Variants in PRKG2 observed in about 807,000 individuals in gnomAD.
PRKG2 encodes cGMP-dependent protein kinase 2.
Under a neutral mutation model 97.2 loss-of-function variants are expected in PRKG2, and 33 were observed. The ratio of observed to expected loss-of-function variants is 0.34; its 90% CI spans 0.26 to 0.45. The LOEUF is 0.45. Ranked by LOEUF, PRKG2 falls within the 20% of genes least tolerant of loss-of-function variation. The pLI is 1.00. For synonymous variants in PRKG2, 330 were observed against 321.8 expected, an observed-to-expected ratio of 1.03 and a Z score of -0.27; for missense variants, 638 against 900.0, an observed-to-expected ratio of 0.71 and a Z score of 3.73.
chr4:81,138,406 G>T (rs560450834), intron 12 of PRKG2, among the ~76,000 whole-genome samples: 2 of 152,254 alleles, frequency 1.3e-5, no homozygotes, highest in East Asian at 3.9e-4. Flanking sequence ...AGGTAAAGTG[G>T]TTCAAAGGGT....
intron 2 of PRKG2, among the ~76,000 whole-genome samples, chr4:81,190,811 G>T (rs945216155): frequency 3.9e-5 from 6 of 152,164 alleles, no homozygotes; most frequent in African/African-American, 1.4e-4. Context: ...AGACATTTAT[G>T]CAGCCAACAG....
At chr4:81,119,038 C>T (rs554122402) in intron 14 of PRKG2, among the ~76,000 whole-genome samples, 2 of 152,284 alleles carry the variant, frequency 1.3e-5, no homozygotes, top group South Asian at 4.1e-4. Flanking sequence ...CTCAAGTGAT[C>T]CACCTAACTT....
At chr4:81,216,583 G>A (rs978784212), upstream of PRKG2, among the ~76,000 whole-genome samples, 4 of 152,000 alleles carry the variant, frequency 2.6e-5, no homozygotes, top group African/African-American at 9.7e-5. Flanking sequence ...CGCATTACAC[G>A]GACATAACAC....
At chr4:81,178,860 C>G (rs1751155955) in intron 2 of PRKG2, among the ~76,000 whole-genome samples, 1 of 151,944 alleles carries the variant, frequency 6.6e-6, no homozygotes, top group South Asian at 2.1e-4. Context: ...AGTGCAGTGC[C>G]TCACGCCTGT....
At chr4:81,114,606 T>C (rs902511909) in intron 14 of PRKG2, among the ~76,000 whole-genome samples, 1 of 152,198 alleles carries the variant, frequency 6.6e-6, no homozygotes, top group Non-Finnish European at 1.5e-5. Context: ...TGGTGATTAT[T>C]TTTAATTTTC....
chr4:81,189,063 T>TAAAAAAA (rs1401411435), intron 2 of PRKG2, among the ~76,000 whole-genome samples: 3 of 6,414 alleles, frequency 4.7e-4, no homozygotes, highest in Non-Finnish European at 8.2e-4. Context: ...TTAAAAAAAA[T>TAAAAAAA]AATAAAAAAA....
At chr4:81,105,792 G>T (rs1307563328) in intron 16 of PRKG2, 21 bp downstream of exon 16, 3 of 1,613,108 alleles carry the variant, frequency 1.9e-6, no homozygotes, top group Non-Finnish European at 2.5e-6. Context: ...AAGACAAGGG[G>T]TTACTGACTG....
chr4:81,207,431 T>G (rs990339704), intron 1 of PRKG2, among the ~76,000 whole-genome samples: 1 of 152,210 alleles, frequency 6.6e-6, no homozygotes, highest in South Asian at 2.1e-4. Flanking sequence ...TTTTTGTTCA[T>G]GGAAAAATTG....
chr4:81,092,502 AAGGAAG>A, intron 17 of PRKG2, 50 bp from the exon 18 acceptor site: 1 of 1,070,400 alleles, frequency 9.3e-7, no homozygotes, highest in South Asian at 1.4e-5. Flanking sequence ...GGAAGGAAGG[AAGGAAG>A]GAAGGGAGAA....
rs763463028 is a variant in PRKG2, at chr4:81,174,843, C to A, written c.578G>T (p.Ser193Ile). Residue 193 changes from serine to isoleucine, a missense_variant, in exon 3 of 19, where the codon AGT (serine) becomes ATT (isoleucine). Ser to Ile is a moderately radical substitution (Grantham distance 142, BLOSUM62 -2). Transcript: ENST00000264399. ...CMYGRNYQQGSYIIKQGEPGN... is the reference protein window; with the variant it reads ...CMYGRNYQQGIYIIKQGEPGN... ...TGGTTCTCCTTGCTTAATAATGTAA[C>A]TCCCTTGCTGATAGTTTCTCCCATA... 10 of 1,613,308 alleles carry A rather than the reference C, an allele frequency of 6.2e-6. No individual in the cohort carries two copies. The South Asian group carries it at 9.9e-5, about 16-fold the overall frequency.
intron 5 of PRKG2, among the ~76,000 whole-genome samples, chr4:81,169,007 T>A (rs1352512651): frequency 6.6e-6 from 1 of 152,004 alleles, no homozygotes; most frequent in Non-Finnish European, 1.5e-5. Flanking sequence ...TTTAAATAAA[T>A]AACTTATACT....
chr4:81,108,749 T>G (rs897354655), intron 15 of PRKG2, among the ~76,000 whole-genome samples: 1 of 152,018 alleles, frequency 6.6e-6, no homozygotes, highest in African/African-American at 2.4e-5. Flanking sequence ...TTTTAAAAAT[T>G]AGCTGGGCAT....
Position 81,135,255 on chromosome 4 carries a change from C to T in PRKG2, c.1676G>A (p.Cys559Tyr). The change falls in exon 14 of 19, where the codon TGT (cysteine) becomes TAT (tyrosine). Residue 559 changes from cysteine to tyrosine, a missense_variant. By Grantham distance (194) the Cys-to-Tyr change is radical. This residue lies in a region of PRKG2 where 304 missense variants were observed against 460.5 expected (regional missense o/e 0.66). Transcript: ENST00000264399. ...DEPTSKFCVA[C>Y]VTEAFDYLHR... ...CAGGTAATCAAATGCTTCTGTCACA[C>T]AAGCAACGCAGAATTTGGAGGTGGG... The T allele has an allele frequency of 6.2e-7, 1 of 1,613,138 alleles. No homozygotes were observed. Among genetic ancestry groups the T allele is most frequent in the Non-Finnish European group, 8.5e-7 (1 of 1,179,418 alleles).
intron 15 of PRKG2, among the ~76,000 whole-genome samples, chr4:81,106,627 T>C (rs1172577104): frequency 3.3e-5 from 5 of 152,170 alleles, no homozygotes; most frequent in African/African-American, 4.8e-5. Context: ...CATAGTAATG[T>C]TGAAAGTAGT....
intron 1 of PRKG2, 101 bp from the exon 2 acceptor site, chr4:81,205,161 G>A (rs1753578912): frequency 1.4e-6 from 1 of 712,224 alleles, no homozygotes; most frequent in African/African-American, 1.8e-5. Context: ...TAGGAACACA[G>A]TAATCTTCAT....
intron 1 of PRKG2, among the ~76,000 whole-genome samples, chr4:81,209,160 A>C (rs1480998271): frequency 2.0e-5 from 3 of 152,222 alleles, no homozygotes; most frequent in Non-Finnish European, 4.4e-5. Flanking sequence ...CTGTCCACCA[A>C]GGGTAATTAG....
intron 15 of PRKG2, 145 bp downstream of exon 15, chr4:81,110,303 A>G: frequency 1.2e-6 from 1 of 852,498 alleles, no homozygotes; most frequent in South Asian, 2.1e-5. Context: ...CTGTATGTGA[A>G]ACAATGTCAT....
intron 11 of PRKG2, among the ~76,000 whole-genome samples, chr4:81,142,045 C>A (rs1016252133): frequency 6.6e-6 from 1 of 152,158 alleles, no homozygotes; most frequent in Non-Finnish European, 1.5e-5. Context: ...AAGAAGGACT[C>A]GGTAATTGCC....
At chr4:81,159,817 G>T (rs1749451104) in intron 6 of PRKG2, among the ~76,000 whole-genome samples, 1 of 151,862 alleles carries the variant, frequency 6.6e-6, no homozygotes, top group African/African-American at 2.4e-5. Context: ...TAGGGACATG[G>T]ATGAAATTGG....
Sources: gnomAD v4.1 joint callset for allele counts (sites outside exome capture counted in the v4.1 genomes callset) on GRCh38, gnomAD v4.1.1 for gene constraint, gnomAD v4.1.1 regional missense constraint, MANE v1.5 for transcripts, NCBI Gene and HGNC (gene_info 2026-07-23, HGNC 2026-07-21) for gene names.